HIPK2: variants seen among roughly 807,000 people sequenced by gnomAD.
HIPK2 encodes homeodomain interacting protein kinase 2.
In HIPK2, 27 loss-of-function variants were observed where a neutral mutation model predicts 113.7. The ratio of observed to expected loss-of-function variants is 0.24; its 90% confidence interval spans 0.17 to 0.33. The LOEUF (loss-of-function observed/expected upper bound fraction) is 0.33. Among genes scored for constraint, HIPK2 ranks in the 10% least tolerant of loss-of-function variants. HIPK2 has a pLI of 1.00. For synonymous variants in HIPK2, 631 were observed against 642.2 expected (o/e 0.98, Z 0.26); for missense variants, 1,257 against 1,588.0 (o/e 0.79, Z 3.54).
At chr7:139,661,793 G>A (rs1447402538) in intron 2 of HIPK2, among the ~76,000 whole-genome samples, 2 of 152,162 alleles carry the variant, frequency 1.3e-5, no homozygotes, top group African/African-American at 4.8e-5. Context: ...GCTGCATGCA[G>A]CCTGCAGGCT....
chr7:139,672,134 G>A (rs1223238993), intron 2 of HIPK2, among the ~76,000 whole-genome samples: 1 of 152,040 alleles, frequency 6.6e-6, no homozygotes, highest in East Asian at 1.9e-4. Context: ...GCTGAACACT[G>A]ATTTAGATGC....
chr7:139,729,793 C>G (rs1010745698), intron 1 of HIPK2, among the ~76,000 whole-genome samples: 8 of 152,204 alleles, frequency 5.3e-5, no homozygotes, highest in African/African-American at 1.7e-4. Context: ...GGCTGCTTAC[C>G]TTGTCCCTGA....
At chr7:139,627,109 C>T (rs1321512003) in intron 5 of HIPK2, among the ~76,000 whole-genome samples, 1 of 152,160 alleles carries the variant, frequency 6.6e-6, no homozygotes. Context: ...GCTTTCATCA[C>T]TCCTCATTAA....
intron 2 of HIPK2, among the ~76,000 whole-genome samples, chr7:139,701,523 A>G (rs1794707616): frequency 6.6e-6 from 1 of 152,154 alleles, no homozygotes; most frequent in Non-Finnish European, 1.5e-5. Flanking sequence ...CAACTCACAT[A>G]GCTGGCGGGA....
chr7:139,755,888 G>A (rs972090387), intron 1 of HIPK2, among the ~76,000 whole-genome samples: 2 of 152,186 alleles, frequency 1.3e-5, no homozygotes, highest in East Asian at 1.9e-4. Flanking sequence ...CTGCCCTTCA[G>A]ATACTGCTTC....
chr7:139,688,799 CTAAT>C (rs1305604487), intron 2 of HIPK2, among the ~76,000 whole-genome samples: 3 of 152,122 alleles, frequency 2.0e-5, no homozygotes, highest in Non-Finnish European at 1.5e-5. Flanking sequence ...CTTAAAAATA[CTAAT>C]GTTCATTATA....
At chr7:139,623,545 A>G (rs1800316748) in intron 6 of HIPK2, among the ~76,000 whole-genome samples, 1 of 151,778 alleles carries the variant, frequency 6.6e-6, no homozygotes, top group African/African-American at 2.4e-5. Context: ...AAAAGAAAAA[A>G]AGGACAAATC....
At position 139,584,017 on chromosome 7, in the gene HIPK2, T is replaced by C. The variant is rs575877859; in HGVS notation, c.2765A>G (p.His922Arg). The change falls in exon 13 of 15, where the codon CAC becomes CGC. Residue 922 changes from histidine to arginine, a missense_variant. Around this residue, in one of 5 missense-constraint regions of HIPK2, gnomAD observed 862 missense variants for 1,004.3 expected, o/e 0.86. Coordinates refer to ENST00000406875, the MANE Select transcript of HIPK2 (RefSeq NM_022740.5). ...GGAGGAGTCGGAGTAGGGGGAGTCG[T>C]GGACTGTGACACAGCTGATGACGTT... ...RKNVISCVTV[H>R]DSPYSDSSSN... 6 of 1,612,006 alleles carry C rather than the reference T, an allele frequency of 3.7e-6. No individual in the cohort carries two copies. Among genetic ancestry groups the C allele is most frequent in the Non-Finnish European group, 5.1e-6 (6 of 1,178,694 alleles).
At chr7:139,640,884 G>A (rs1800991417) in intron 2 of HIPK2, among the ~76,000 whole-genome samples, 2 of 152,008 alleles carry the variant, frequency 1.3e-5, no homozygotes. Flanking sequence ...CCAAAGTGTT[G>A]GGATTATGGG....
At chr7:139,708,646 C>T (rs532564518) in intron 2 of HIPK2, among the ~76,000 whole-genome samples, 3 of 152,332 alleles carry the variant, frequency 2.0e-5, no homozygotes, top group East Asian at 1.9e-4. Flanking sequence ...GTGAACACTG[C>T]GTCTGCACCT....
chr7:139,668,517 A>G (rs559037644), intron 2 of HIPK2, among the ~76,000 whole-genome samples: 18 of 150,450 alleles, frequency 1.2e-4, no homozygotes, highest in African/African-American at 4.1e-4. Context: ...AGCAAGCTCC[A>G]GTGAGATCGC....
chr7:139,638,157 C>A (rs186601580), intron 2 of HIPK2, among the ~76,000 whole-genome samples: 1 of 152,268 alleles, frequency 6.6e-6, no homozygotes, highest in African/African-American at 2.4e-5. Context: ...TGCGCAGTCC[C>A]ACTGCAGCAT....
chr7:139,584,818 T>A (rs1031363811), intron 12 of HIPK2, among the ~76,000 whole-genome samples: 3 of 152,170 alleles, frequency 2.0e-5, no homozygotes, highest in African/African-American at 4.8e-5. Context: ...CGGGGCCTGG[T>A]GGGAAGGCCC....
At chr7:139,701,455 C>T (rs1362922543) in intron 2 of HIPK2, among the ~76,000 whole-genome samples, 2 of 152,238 alleles carry the variant, frequency 1.3e-5, no homozygotes, top group Non-Finnish European at 2.9e-5. Context: ...CCTAGAACGT[C>T]GGCTCTCATC....
At chr7:139,672,465 C>T (rs938340640) in intron 2 of HIPK2, among the ~76,000 whole-genome samples, 1 of 152,054 alleles carries the variant, frequency 6.6e-6, no homozygotes, top group Admixed American at 6.6e-5. Context: ...AAAATAATTA[C>T]AAGTAACTTT....
rs1422329709 is a variant in HIPK2, at chr7:139,562,121, C to T, written c.*10806G>A. ...TTGTCTTTAAAAAAACAAAAGTAGA[C>T]ATTTATAAATAAAAAAGAGGGACAA... On this transcript the variant is annotated 3_prime_UTR_variant, in exon 15 of 15. Coordinates refer to ENST00000406875, the MANE Select transcript of HIPK2 (RefSeq NM_022740.5). The T allele has an allele frequency of 6.6e-6, 1 of 152,084 alleles. No individual in the cohort carries two copies. The highest frequency in any genetic ancestry group is 1.5e-5 in the Non-Finnish European group (1 of 68,018). The allele number at this position is 152,084 out of a possible 1,614,324, so 9.4% of individuals were successfully genotyped here. A position where few individuals can be genotyped will look rare whatever the true frequency, so the allele number is the denominator to read the frequency against.
intron 12 of HIPK2, among the ~76,000 whole-genome samples, chr7:139,595,345 C>G (rs1371612450): frequency 6.6e-6 from 1 of 152,130 alleles, no homozygotes; most frequent in Non-Finnish European, 1.5e-5. Flanking sequence ...CGACAGTATT[C>G]CTGGGTGGTG....
At chr7:139,730,273 T>A (rs1488546332) in intron 1 of HIPK2, among the ~76,000 whole-genome samples, 1 of 152,148 alleles carries the variant, frequency 6.6e-6, no homozygotes, top group Non-Finnish European at 1.5e-5. Flanking sequence ...ACTTCAGAAA[T>A]GTTTGTGGCA....
intron 2 of HIPK2, among the ~76,000 whole-genome samples, chr7:139,694,252 G>A (rs150446064): frequency 4.8e-4 from 73 of 152,262 alleles, no homozygotes; most frequent in African/African-American, 1.7e-3. Context: ...CTCACAGTCT[G>A]CCATGCTCCA....
Sources: gnomAD v4.1 joint callset for allele counts (sites outside exome capture counted in the v4.1 genomes callset) on GRCh38, gnomAD v4.1.1 for gene constraint, gnomAD v4.1.1 regional missense constraint, MANE v1.5 for transcripts, NCBI Gene and HGNC (gene_info 2026-07-23, HGNC 2026-07-21) for gene names.